The following LIPA variants were observed in gnomAD, a reference collection of about 807,000 sequenced individuals.
LIPA encodes lysosomal acid lipase/cholesteryl ester hydrolase.
A neutral mutation model predicts 40.6 loss-of-function variants in LIPA; 26 were observed. The ratio of observed to expected loss-of-function variants is 0.64; its 90% CI spans 0.47 to 0.89. The LOEUF (loss-of-function observed/expected upper bound fraction) is 0.89. Among genes scored for constraint, LIPA ranks in the 40% least tolerant of loss-of-function variants. The pLI, the probability that LIPA is intolerant of heterozygous loss-of-function variation, is 0.00. For missense variants in LIPA, 455 were observed against 479.6 expected (o/e 0.95, Z 0.48); for synonymous variants, 188 against 168.4 (o/e 1.12, Z -0.90).
chr10:89,313,899 G>A (rs1843529124), intron 1 of LIPA, among the ~76,000 whole-genome samples: 1 of 152,198 alleles, frequency 6.6e-6, no homozygotes, highest in South Asian at 2.1e-4. Context: ...TTGTGACGAT[G>A]GGAGATGACA....
intron 2 of LIPA, among the ~76,000 whole-genome samples, chr10:89,378,973 C>T (rs1844141755): frequency 6.6e-6 from 1 of 152,144 alleles, no homozygotes; most frequent in East Asian, 1.9e-4. Flanking sequence ...GAGACTGGCC[C>T]GGGGACCAGT....
chr10:89,307,195 C>T (rs375964120), intron 1 of LIPA: 17 of 1,613,972 alleles, frequency 1.1e-5, no homozygotes, highest in Middle Eastern at 3.3e-4. Context: ...AGATGAAAGA[C>T]AAACTGCAAA....
At position 89,305,967 on chromosome 10, in the gene LIPA, A is replaced by C. The variant is rs750123775; in HGVS notation, c.-2+36644T>G. The C allele has an allele frequency of 8.7e-6, 14 of 1,608,708 alleles. No homozygotes were observed. The Admixed American group carries it at 2.3e-4, about 27-fold the overall frequency. ...CTTTGTGTTTTTCCCTACAGTGAGA[A>C]CAATAAGAATTCCTTGGAGAGCAGC... On this transcript the variant is annotated intron_variant, in intron 1 of 5. Transcript: ENST00000282673.
intron 1 of LIPA, among the ~76,000 whole-genome samples, chr10:89,319,954 C>A (rs927420594): frequency 2.0e-5 from 3 of 152,074 alleles, no homozygotes; most frequent in Non-Finnish European, 4.4e-5. Context: ...AAAACAGAAC[C>A]AAAGACAAAA....
intron 1 of LIPA, among the ~76,000 whole-genome samples, chr10:89,302,526 A>G (rs1843451859): frequency 6.6e-6 from 1 of 152,220 alleles, no homozygotes; most frequent in African/African-American, 2.4e-5. Flanking sequence ...TTGTAATACA[A>G]TTATTTAACA....
chr10:89,229,475 G>C (rs924342618), intron 3 of LIPA, among the ~76,000 whole-genome samples: 3 of 152,244 alleles, frequency 2.0e-5, no homozygotes, highest in African/African-American at 7.2e-5. Flanking sequence ...TAGTGGCCGG[G>C]TGTGGTGGTT....
chr10:89,398,210 C>CT (rs1236997165), intron 2 of LIPA, among the ~76,000 whole-genome samples: 1 of 152,192 alleles, frequency 6.6e-6, no homozygotes, highest in East Asian at 1.9e-4. Context: ...TTCTATAACT[C>CT]TGAGGCAGAG....
intron 2 of LIPA, among the ~76,000 whole-genome samples, chr10:89,387,275 G>A (rs1227688617): frequency 2.1e-5 from 3 of 142,760 alleles, no homozygotes; most frequent in South Asian, 4.4e-4. Context: ...GAGAGATCCC[G>A]CCACTGTACT....
intron 1 of LIPA, chr10:89,302,148 A>T (rs751920988): frequency 6.2e-7 from 1 of 1,613,638 alleles, no homozygotes; most frequent in Non-Finnish European, 8.5e-7. Context: ...TTCCCTTCGT[A>T]TTCGGTAGTG....
chr10:89,377,356 T>C (rs1844129109), intron 2 of LIPA, among the ~76,000 whole-genome samples: 1 of 152,218 alleles, frequency 6.6e-6, no homozygotes, highest in South Asian at 2.1e-4. Context: ...CTACATTGCA[T>C]ATGTTTCTCT....
intron 2 of LIPA, among the ~76,000 whole-genome samples, chr10:89,395,282 C>A (rs1844325140): frequency 6.6e-6 from 1 of 151,340 alleles, no homozygotes; most frequent in South Asian, 2.1e-4. Context: ...TCTAAACCCA[C>A]CAAATAGAAC....
chr10:89,220,105 G>C (rs1458709508), intron 8 of LIPA, among the ~76,000 whole-genome samples: 1 of 152,190 alleles, frequency 6.6e-6, no homozygotes, highest in Non-Finnish European at 1.5e-5. Context: ...ACACAGAAGG[G>C]TGAAGCAACA....
intron 2 of LIPA, among the ~76,000 whole-genome samples, chr10:89,366,375 C>G (rs1376882120): frequency 6.6e-6 from 1 of 152,166 alleles, no homozygotes; most frequent in Non-Finnish European, 1.5e-5. Flanking sequence ...TCTAAATATA[C>G]AATCATGTCA....
chr10:89,373,850 G>T (rs1844106447), intron 2 of LIPA, among the ~76,000 whole-genome samples: 1 of 152,156 alleles, frequency 6.6e-6, no homozygotes, highest in African/African-American at 2.4e-5. Flanking sequence ...CTGCATTTCT[G>T]GGCTTTTAGT....
intron 1 of LIPA, among the ~76,000 whole-genome samples, chr10:89,261,456 G>C (rs1446571557): frequency 2.0e-5 from 3 of 152,108 alleles, no homozygotes. Flanking sequence ...AGTGAGCCCA[G>C]ATCGTGCCAT....
upstream of LIPA, among the ~76,000 whole-genome samples, chr10:89,343,086 A>C (rs1843886612): frequency 6.6e-6 from 1 of 152,220 alleles, no homozygotes; most frequent in South Asian, 2.1e-4. Context: ...ACCTCTCCTT[A>C]CTCATTGTAA....
At chr10:89,289,738 T>C (rs948272478) in intron 1 of LIPA, among the ~76,000 whole-genome samples, 5 of 152,200 alleles carry the variant, frequency 3.3e-5, no homozygotes, top group African/African-American at 7.2e-5. Context: ...TTTGAACGGA[T>C]AGAAGATCTT....
At position 89,213,766 on chromosome 10, in the gene LIPA, A is replaced by G. The variant is rs1457792462; in HGVS notation, c.*1062T>C. 1 of 152,260 alleles carries G rather than the reference A, an allele frequency of 6.6e-6. No homozygotes were observed. Among genetic ancestry groups the G allele is most frequent in the African/African-American group, 2.4e-5 (1 of 41,470 alleles). The allele number at this position is 152,260 out of a possible 1,614,324, so 9.4% of individuals were successfully genotyped here. A position where few individuals can be genotyped will look rare whatever the true frequency, so the allele number is the denominator to read the frequency against. On this transcript the variant is annotated 3_prime_UTR_variant, in exon 10 of 10. Transcript: ENST00000336233. ...TATTGTAAGGAAATGATGCTGCAAG[A>G]AAAGCAGACAAATATGGACTTCCCA...
chr10:89,339,276 A>G, intron 1 of LIPA: 2 of 1,614,194 alleles, frequency 1.2e-6, no homozygotes, highest in Non-Finnish European at 1.7e-6. Context: ...CTGATAACCA[A>G]TACGTCAAGG....
Sources: gnomAD v4.1 joint callset for allele counts (sites outside exome capture counted in the v4.1 genomes callset) on GRCh38, gnomAD v4.1.1 for gene constraint, MANE v1.5 for transcripts, NCBI Gene and HGNC (gene_info 2026-07-23, HGNC 2026-07-21) for gene names.